ADAM32: variants seen among roughly 807,000 people sequenced by gnomAD.
The protein encoded by ADAM32 is disintegrin and metalloproteinase domain-containing protein 32.
A neutral mutation model predicts 114.9 loss-of-function variants in ADAM32; 89 were observed. The ratio of observed to expected loss-of-function variants is 0.77; its 90% CI spans 0.65 to 0.92. The LOEUF (loss-of-function observed/expected upper bound fraction) is 0.92. Among genes scored for constraint, ADAM32 ranks in the 40% least tolerant of loss-of-function variants. The pLI, the probability that ADAM32 is intolerant of heterozygous loss-of-function variation, is 0.00. For missense variants in ADAM32, 870 were observed against 932.8 expected, an observed-to-expected ratio of 0.93 and a Z score of 0.88; for synonymous variants, 285 against 307.5, an observed-to-expected ratio of 0.93 and a Z score of 0.77.
At chr8:39,171,478 A>AT (rs959741392) in intron 10 of ADAM32, among the ~76,000 whole-genome samples, 27 of 151,988 alleles carry the variant, frequency 1.8e-4, no homozygotes, top group Non-Finnish European at 3.7e-4. Flanking sequence ...CTCTATATAT[A>AT]TTTTTTTGCA....
Position 39,109,390 on chromosome 8 carries a change from C to CA in ADAM32, c.58+1564dup, listed in dbSNP as rs1324277925. 9.2e-5 allele frequency among the ~76,000 whole-genome samples: 14 copies of CA among 151,564 alleles called. No homozygotes were observed. The East Asian group carries it at 2.3e-3, about 25-fold the overall frequency. ...GTGAAACCCCATTGCTACTAAAATA[C>CA]AAAAAAATTAGCTGGGCGTGGTGGT... On this transcript the variant is annotated intron_variant, in intron 1 of 24. Coordinates refer to ENST00000379907, the MANE Select transcript of ADAM32 (RefSeq NM_145004.7).
chr8:39,177,030 A>T (rs1585464290), intron 10 of ADAM32, among the ~76,000 whole-genome samples: 2 of 142,900 alleles, frequency 1.4e-5, no homozygotes, highest in Non-Finnish European at 1.5e-5. Flanking sequence ...TCTGTTTTTC[A>T]TTTGCTTGGT....
intron 23 of ADAM32, 88 bp downstream of exon 23, chr8:39,281,262 AT>A: frequency 5.4e-6 from 4 of 744,344 alleles, no homozygotes; most frequent in East Asian, 7.5e-5. Context: ...ATTGCTCAAC[AT>A]TTTTTGAGCA....
At chr8:39,212,451 C>T (rs942628914) in intron 12 of ADAM32, among the ~76,000 whole-genome samples, 4 of 152,102 alleles carry the variant, frequency 2.6e-5, no homozygotes, top group African/African-American at 9.7e-5. Context: ...ATATTTTCAT[C>T]ATCCCCAAAA....
At chr8:39,125,838 A>G (rs188264087) in intron 2 of ADAM32, among the ~76,000 whole-genome samples, 1 of 152,280 alleles carries the variant, frequency 6.6e-6, no homozygotes, top group East Asian at 1.9e-4. Flanking sequence ...TACTTTTTGT[A>G]TAGGGTATAA....
At chr8:39,208,430 C>T (rs1352696713) in intron 11 of ADAM32, among the ~76,000 whole-genome samples, 1 of 151,928 alleles carries the variant, frequency 6.6e-6, no homozygotes, top group African/African-American at 2.4e-5. Context: ...ATCTTTATAC[C>T]AAAGATATGA....
chr8:39,254,225 CT>C (rs59048344), intron 17 of ADAM32, among the ~76,000 whole-genome samples, 188 bp from the exon 18 acceptor site: 30,920 of 125,150 alleles, frequency 0.25, 2,541 homozygotes, highest in East Asian at 0.3. Context: ...CTTTATAGTT[CT>C]TTTTTTTTTT....
At chr8:39,109,008 A>G (rs997630075) in intron 1 of ADAM32, among the ~76,000 whole-genome samples, 3 of 152,180 alleles carry the variant, frequency 2.0e-5, no homozygotes, top group African/African-American at 7.2e-5. Context: ...AAAGGCCATA[A>G]CCAAATACTG....
chr8:39,201,334 G>A (rs1807388125), intron 11 of ADAM32, among the ~76,000 whole-genome samples: 1 of 152,090 alleles, frequency 6.6e-6, no homozygotes, highest in Non-Finnish European at 1.5e-5. Flanking sequence ...TGAAGAGGAT[G>A]TAGTTCACAT....
At chr8:39,221,013 G>A (rs943733135) in intron 12 of ADAM32, 37 of 150,772 alleles carry the variant, frequency 2.5e-4, no homozygotes, top group African/African-American at 8.8e-4. Context: ...GTGTTGAATT[G>A]TCCAGGTATT....
intron 2 of ADAM32, 23 bp downstream of exon 2, chr8:39,118,188 C>A (rs1564430139): frequency 3.1e-6 from 4 of 1,303,596 alleles, no homozygotes; most frequent in Non-Finnish European, 4.1e-6. Flanking sequence ...TTTTCACAAT[C>A]TAAATGTTTA....
At position 39,149,829 on chromosome 8, in the gene ADAM32, A is replaced by G. The variant is rs17852811; in HGVS notation, c.315A>G (p.Pro105=). ...ATCAAGGAAATATTGAAGGATATCC[A>G]GATTCCATGGTCACACTCAGCACGT... ...CYYQGNIEGY[P]DSMVTLSTCS... is the part of the protein sequence containing the mutation. The change falls in exon 5 of 25, where the codon CCA becomes CCG. Residue 105 remains proline, a synonymous_variant. Coordinates refer to ENST00000379907, the MANE Select transcript of ADAM32 (RefSeq NM_145004.7). 1.2e-6 allele frequency: 2 copies of G among 1,612,138 alleles called. No individual in the cohort carries two copies. The highest frequency in any genetic ancestry group is 1.3e-5 in the African/African-American group (1 of 74,878).
At chr8:39,144,494 TC>T (rs1252770554) in intron 3 of ADAM32, among the ~76,000 whole-genome samples, 20 of 152,196 alleles carry the variant, frequency 1.3e-4, no homozygotes, top group Non-Finnish European at 2.8e-4. Context: ...GTATTATGGC[TC>T]CCTGTTGGAG....
At chr8:39,195,332 A>T (rs1372632865) in intron 11 of ADAM32, among the ~76,000 whole-genome samples, 2 of 152,214 alleles carry the variant, frequency 1.3e-5, no homozygotes, top group Admixed American at 6.5e-5. Flanking sequence ...TCTGGATATT[A>T]ACCACCTATT....
chr8:39,181,374 G>A lies in ADAM32; in HGVS notation c.916-5535G>A, dbSNP rs529673536. ...TCTGCAGCTTCACTCCTGAGCCAGC[G>A]AGACCACGAACCCACCAGAAGGAAG... On this transcript the variant is annotated intron_variant, in intron 10 of 24. Coordinates refer to ENST00000379907, the MANE Select transcript of ADAM32 (RefSeq NM_145004.7). Among the ~76,000 whole-genome samples the A allele has an allele frequency of 1.1e-4, 16 of 152,204 alleles. 1 individual carries two copies. The South Asian group carries it at 2.9e-3, about 28-fold the overall frequency.
intron 11 of ADAM32, among the ~76,000 whole-genome samples, chr8:39,199,632 A>T (rs1239109165): frequency 6.6e-6 from 1 of 151,908 alleles, no homozygotes; most frequent in Non-Finnish European, 1.5e-5. Context: ...TTAACTTTTT[A>T]AAATTATACC....
At position 39,134,675 on chromosome 8, in the gene ADAM32, A is replaced by AG. The variant is rs1227355194; in HGVS notation, c.139-1982_139-1981insG. On this transcript the variant is annotated intron_variant, in intron 2 of 24. Coordinates refer to ENST00000379907, the MANE Select transcript of ADAM32 (RefSeq NM_145004.7). ...GGCCTCCGATAATCAACTCCTCTAC[A>AG]CTCTTTAAAGATCTACCTAAACTTC... Among the ~76,000 whole-genome samples, 9 of 151,960 alleles carry AG rather than the reference A, an allele frequency of 5.9e-5. 1 individual carries two copies. The East Asian group carries it at 1.7e-3, about 29-fold the overall frequency.
intron 2 of ADAM32, among the ~76,000 whole-genome samples, chr8:39,131,658 G>A (rs1048771544): frequency 1.3e-5 from 2 of 152,102 alleles, no homozygotes; most frequent in African/African-American, 4.8e-5. Flanking sequence ...TATTTAATGT[G>A]TGTGCACTTA....
intron 12 of ADAM32, among the ~76,000 whole-genome samples, chr8:39,215,074 G>GT (rs1323836874): frequency 1.3e-5 from 2 of 151,684 alleles, no homozygotes; most frequent in African/African-American, 4.8e-5. Flanking sequence ...ATTTTGATTA[G>GT]TATACCTCTG....
Sources: allele counts gnomAD v4.1 joint callset (sites outside exome capture counted in the v4.1 genomes callset), GRCh38; gene constraint gnomAD v4.1.1; transcripts MANE v1.5; gene names NCBI Gene and HGNC (gene_info 2026-07-23, HGNC 2026-07-21).